Variants in C12orf42 observed in about 807,000 individuals in gnomAD.
C12orf42 encodes the protein uncharacterized protein C12orf42.
C12orf42 carries 25 observed loss-of-function variants against 21.6 expected under a neutral mutation model. The observed-to-expected ratio is 1.16, with a 90% confidence interval of 0.84 to 1.62. C12orf42 has a LOEUF of 1.62. C12orf42 is among the 40% of genes most tolerant of loss of function. The probability of loss-of-function intolerance (pLI) is 0.00; values close to 1 mark genes in which losing one functional copy is unlikely to be tolerated. For synonymous variants in C12orf42, 174 were observed against 175.0 expected, an observed-to-expected ratio of 0.99 and a Z score of 0.05; for missense variants, 483 against 459.3, an observed-to-expected ratio of 1.05 and a Z score of -0.47.
At chr12:103,124,221 G>T in the C12orf42 span, among the ~76,000 whole-genome samples, 1 of 111,954 alleles carries the variant, frequency 8.9e-6, no homozygotes, top group East Asian at 2.8e-4. Flanking sequence ...GCTCCCAGAT[G>T]TAACATTTTG....
At chr12:103,152,352 A>G in the C12orf42 span, among the ~76,000 whole-genome samples, 1 of 152,220 alleles carries the variant, frequency 6.6e-6, no homozygotes, top group African/African-American at 2.4e-5. Context: ...GTAGAGAGCT[A>G]AGGTAAACAA....
intron 2 of C12orf42, among the ~76,000 whole-genome samples, chr12:103,412,473 G>A (rs1419625806): frequency 4.6e-5 from 7 of 152,188 alleles, no homozygotes; most frequent in Admixed American, 2.0e-4. Context: ...GTTCGAGACT[G>A]GCCTGGCCAA....
At chr12:103,138,614 C>A in the C12orf42 span, among the ~76,000 whole-genome samples, 22 of 152,314 alleles carry the variant, frequency 1.4e-4, no homozygotes, top group African/African-American at 5.3e-4. Flanking sequence ...ACTATATAAT[C>A]CCTGGTAGAA....
intron 2 of C12orf42, among the ~76,000 whole-genome samples, chr12:103,416,736 A>G (rs1403525350): frequency 6.6e-6 from 1 of 152,084 alleles, no homozygotes; most frequent in Non-Finnish European, 1.5e-5. Context: ...CCTGTTCCAT[A>G]CTTTACATAA....
chr12:103,478,318 G>C (rs1398934870), intron 2 of C12orf42, 31 bp downstream of exon 2: 1 of 1,467,642 alleles, frequency 6.8e-7, no homozygotes, highest in Non-Finnish European at 9.4e-7. Context: ...CCTAAAAAAA[G>C]TAAGAAAATA....
At chr12:103,495,287 A>C (rs1955449116) in intron 1 of C12orf42, among the ~76,000 whole-genome samples, 1 of 152,060 alleles carries the variant, frequency 6.6e-6, no homozygotes, top group East Asian at 1.9e-4. Context: ...GTGTCTCTAC[A>C]TGTAAAGAGA....
the C12orf42 span, among the ~76,000 whole-genome samples, chr12:103,095,597 T>C: frequency 6.6e-6 from 1 of 152,364 alleles, no homozygotes; most frequent in Admixed American, 6.5e-5. Flanking sequence ...TACAATGCAT[T>C]GCCTTCCAAC....
At chr12:103,230,057 G>C in the C12orf42 span, among the ~76,000 whole-genome samples, 2 of 152,240 alleles carry the variant, frequency 1.3e-5, no homozygotes, top group East Asian at 3.8e-4. Context: ...TATTGGCTAA[G>C]TGATTTGTTT....
At chr12:103,194,263 A>G in the C12orf42 span, among the ~76,000 whole-genome samples, 1 of 152,172 alleles carries the variant, frequency 6.6e-6, no homozygotes, top group South Asian at 2.1e-4. Flanking sequence ...GATCAAAACA[A>G]GGCAAAGATG....
the C12orf42 span, among the ~76,000 whole-genome samples, chr12:103,058,514 C>T: frequency 6.6e-6 from 1 of 152,210 alleles, no homozygotes; most frequent in Non-Finnish European, 1.5e-5. Context: ...CTCTCCACCA[C>T]AAATCAACAG....
the C12orf42 span, among the ~76,000 whole-genome samples, chr12:103,128,756 T>C: frequency 6.6e-6 from 1 of 152,236 alleles, no homozygotes; most frequent in Admixed American, 6.5e-5. Flanking sequence ...ATTTCCATTA[T>C]TCTGATCACT....
chr12:103,421,931 A>ATAC (rs1461210161), intron 2 of C12orf42, among the ~76,000 whole-genome samples: 1 of 152,166 alleles, frequency 6.6e-6, no homozygotes, highest in Non-Finnish European at 1.5e-5. Flanking sequence ...AATAATAATA[A>ATAC]TAAGAATAAG....
At chr12:103,132,023 C>A in the C12orf42 span, among the ~76,000 whole-genome samples, 1 of 152,118 alleles carries the variant, frequency 6.6e-6, no homozygotes, top group Non-Finnish European at 1.5e-5. Context: ...AACCGTCTAT[C>A]AAGAAGGAGC....
At chr12:103,080,309 C>A in the C12orf42 span, among the ~76,000 whole-genome samples, 1 of 152,122 alleles carries the variant, frequency 6.6e-6, no homozygotes, top group African/African-American at 2.4e-5. Context: ...GGCTATGCAG[C>A]CTCCCTTCAT....
chr12:103,107,463 A>C, the C12orf42 span, among the ~76,000 whole-genome samples: 26,036 of 151,916 alleles, frequency 0.17, 2,586 homozygotes, highest in Admixed American at 0.23. Context: ...AAATAGAATT[A>C]TAGTTAGAAA....
At chr12:103,499,031 A>AT (rs201446586), upstream of C12orf42, among the ~76,000 whole-genome samples, 1 of 151,920 alleles carries the variant, frequency 6.6e-6, no homozygotes, top group Non-Finnish European at 1.5e-5. Flanking sequence ...ATAAAAATAA[A>AT]TTAAAAAAAA....
chr12:103,134,213 C>T, the C12orf42 span, among the ~76,000 whole-genome samples: 3 of 152,068 alleles, frequency 2.0e-5, no homozygotes, highest in Non-Finnish European at 2.9e-5. Flanking sequence ...ATCAAGGAAA[C>T]ATGACACTTC....
At chr12:103,153,564 T>G in the C12orf42 span, among the ~76,000 whole-genome samples, 1 of 152,064 alleles carries the variant, frequency 6.6e-6, no homozygotes, top group Non-Finnish European at 1.5e-5. Context: ...GCTAACAAAT[T>G]TATTAAAAGG....
chr12:103,338,774 T>C (rs1161379036), intron 4 of C12orf42, among the ~76,000 whole-genome samples: 2 of 152,150 alleles, frequency 1.3e-5, no homozygotes, highest in Non-Finnish European at 2.9e-5. Context: ...CAAAAACTAT[T>C]GATGTGTGCA....
Sources: gnomAD v4.1 joint callset for allele counts (sites outside exome capture counted in the v4.1 genomes callset) on GRCh38, gnomAD v4.1.1 for gene constraint, MANE v1.5 for transcripts, NCBI Gene and HGNC (gene_info 2026-07-23, HGNC 2026-07-21) for gene names.